DSE: variants seen among roughly 807,000 people sequenced by gnomAD.
DSE encodes the protein dermatan-sulfate epimerase.
DSE carries 36 observed loss-of-function variants against 84.4 expected under a neutral mutation model. That is an observed-to-expected ratio of 0.43 (90% confidence interval 0.33 to 0.56). The LOEUF (loss-of-function observed/expected upper bound fraction) is 0.56, where lower values mean the gene tolerates loss of function less well. DSE is among the 20% of genes least tolerant of loss of function. The pLI is 0.06. For synonymous variants in DSE, 410 were observed against 430.1 expected, an observed-to-expected ratio of 0.95 and a Z score of 0.58; for missense variants, 862 against 1,169.6, an observed-to-expected ratio of 0.74 and a Z score of 3.84.
chr6:116,324,316 C>T (rs1267633493), intron 2 of DSE, among the ~76,000 whole-genome samples: 2 of 152,280 alleles, frequency 1.3e-5, no homozygotes, highest in South Asian at 2.1e-4. Context: ...CAGGCAAGAT[C>T]CAGGAAAGCA....
intron 2 of DSE, among the ~76,000 whole-genome samples, chr6:116,426,078 A>G (rs508521): frequency 0.71 from 108,593 of 152,084 alleles, 39,346 homozygotes; most frequent in African/African-American, 0.78. Flanking sequence ...AGATTGAGAG[A>G]TCATGGATTA....
intron 2 of DSE, among the ~76,000 whole-genome samples, chr6:116,413,271 C>T (rs572788459): frequency 1.1e-4 from 16 of 152,180 alleles, no homozygotes; most frequent in South Asian, 2.1e-4. Context: ...TATTTCATTC[C>T]GTTAAAAATA....
At chr6:116,313,930 A>G (rs1436038137) in intron 2 of DSE, among the ~76,000 whole-genome samples, 12 of 152,346 alleles carry the variant, frequency 7.9e-5, no homozygotes, top group Non-Finnish European at 1.3e-4. Flanking sequence ...AAGAAAATTC[A>G]TAGAGAAATG....
chr6:116,320,649 C>T (rs1027848019), intron 2 of DSE, among the ~76,000 whole-genome samples: 1 of 152,118 alleles, frequency 6.6e-6, no homozygotes, highest in Admixed American at 6.5e-5. Context: ...AAGGTACCAG[C>T]AGCATTGGTT....
In DSE at chr6:116,433,565, G is replaced by A. The variant is rs116330739; in HGVS notation, c.1118+15G>A. 2.4e-3 allele frequency: 3,737 copies of A among 1,586,296 alleles called. 78 individuals carry two copies. In the African/African-American group the frequency reaches 0.045, roughly 19 times the overall value. On this transcript the variant is annotated intron_variant, in intron 5 of 5. Coordinates refer to ENST00000644252, the MANE Select transcript of DSE (RefSeq NM_013352.4). Reference sequence around the variant, plus strand: ...GAATTTCTCTGGTATGACACATTGGGCTAGCTTTAAAGAGAAATGGTACCC... The same window carrying A: ...GAATTTCTCTGGTATGACACATTGGACTAGCTTTAAAGAGAAATGGTACCC...
At chr6:116,422,112 G>T (rs1783131205) in intron 2 of DSE, among the ~76,000 whole-genome samples, 1 of 152,092 alleles carries the variant, frequency 6.6e-6, no homozygotes, top group African/African-American at 2.4e-5. Context: ...TGTCTTATCG[G>T]TGCATGGTTT....
At chr6:116,372,307 A>C (rs988744824) in intron 1 of DSE, among the ~76,000 whole-genome samples, 1 of 152,124 alleles carries the variant, frequency 6.6e-6, no homozygotes, top group Non-Finnish European at 1.5e-5. Flanking sequence ...TCTCTACTAA[A>C]AATACAAAAA....
chr6:116,342,868 A>G (rs1270644777), intron 2 of DSE, among the ~76,000 whole-genome samples: 1 of 152,130 alleles, frequency 6.6e-6, no homozygotes, highest in Non-Finnish European at 1.5e-5. Context: ...TGGGAAGCGC[A>G]AGGGGTCAGG....
chr6:116,415,400 G>C (rs1281358372), intron 2 of DSE, among the ~76,000 whole-genome samples: 1 of 152,030 alleles, frequency 6.6e-6, no homozygotes, highest in Non-Finnish European at 1.5e-5. Flanking sequence ...TTGAAATTAC[G>C]GGATGATGTA....
Position 116,299,020 on chromosome 6 carries a change from T to C in DSE, c.-54+40053T>C, listed in dbSNP as rs557634149. Reference sequence around the variant, plus strand: ...CCTTGTTTCTAGCTATTTGTGATTTTACTTAACTCTCTTAGTTTAGAAACA... The same window carrying C: ...CCTTGTTTCTAGCTATTTGTGATTTCACTTAACTCTCTTAGTTTAGAAACA... On this transcript the variant is annotated intron_variant, in intron 2 of 3. Coordinates refer to the DSE transcript ENST00000430252. Among the ~76,000 whole-genome samples the C allele has an allele frequency of 1.6e-4, 25 of 152,374 alleles. No individual in the cohort carries two copies. In the South Asian group the frequency reaches 5.0e-3, roughly 30 times the overall value.
intron 1 of DSE, among the ~76,000 whole-genome samples, chr6:116,393,663 G>A (rs985341752): frequency 2.0e-5 from 3 of 152,220 alleles, no homozygotes; most frequent in Admixed American, 6.5e-5. Context: ...CAGCAGAGCT[G>A]AGATTTATGC....
intron 2 of DSE, among the ~76,000 whole-genome samples, chr6:116,283,763 C>T (rs982686927): frequency 6.6e-6 from 1 of 152,068 alleles, no homozygotes; most frequent in South Asian, 2.1e-4. Flanking sequence ...AGGCTGGTCT[C>T]GAATTCCCGA....
intron 2 of DSE, among the ~76,000 whole-genome samples, chr6:116,275,914 A>G (rs1309335061): frequency 6.6e-6 from 1 of 152,158 alleles, no homozygotes; most frequent in African/African-American, 2.4e-5. Flanking sequence ...GAAAAACATG[A>G]AAATATAATC....
chr6:116,369,606 T>C (rs1395026952), upstream of DSE, among the ~76,000 whole-genome samples: 3 of 152,232 alleles, frequency 2.0e-5, no homozygotes, highest in Non-Finnish European at 4.4e-5. Flanking sequence ...AACCAAAGAT[T>C]AGTTCCAGTT....
chr6:116,268,209 A>G (rs1437822166), intron 2 of DSE, among the ~76,000 whole-genome samples: 1 of 152,170 alleles, frequency 6.6e-6, no homozygotes, highest in Non-Finnish European at 1.5e-5. Flanking sequence ...TAGTTTTTCT[A>G]TGTAGATATG....
At chr6:116,303,973 A>C (rs1031740659) in intron 2 of DSE, among the ~76,000 whole-genome samples, 2 of 151,996 alleles carry the variant, frequency 1.3e-5, no homozygotes, top group Non-Finnish European at 2.9e-5. Context: ...GTCTGTACTA[A>C]AAATACAAAA....
rs777828588 is a variant in DSE at position 116,436,427 on chromosome 6, C to T, written c.1959C>T (p.Leu653=). The T allele has an allele frequency of 5.0e-6, 8 of 1,614,152 alleles. No individual in the cohort carries two copies. Among genetic ancestry groups the T allele is most frequent in the South Asian group, 1.1e-5 (1 of 91,078 alleles). The change falls in exon 6 of 6, where the codon CTC becomes CTT. Residue 653 remains leucine, a synonymous_variant. Coordinates refer to ENST00000644252, the MANE Select transcript of DSE (RefSeq NM_013352.4). ...GTNYVNVTMH[L]RSPITRAAYL... ...ACTATGTGAATGTCACCATGCACCT[C>T]CGAAGTCCCATCACCAGGGCAGCTT...
At chr6:116,413,762 C>A (rs1376853350) in intron 2 of DSE, among the ~76,000 whole-genome samples, 1 of 152,190 alleles carries the variant, frequency 6.6e-6, no homozygotes. Flanking sequence ...ATATATTAAC[C>A]GTACTCTAAG....
In DSE at chr6:116,437,239, A is replaced by G; in HGVS notation, c.2771A>G (p.Gln924Arg). The G allele has an allele frequency of 1.9e-6, 3 of 1,614,100 alleles. No individual in the cohort carries two copies. Among genetic ancestry groups the G allele is most frequent in the South Asian group, 1.1e-5 (1 of 91,082 alleles). The part of the protein sequence containing the change: ...VMLAMQLTYF[Q>R]RAQSLHGQRC... ...TTGGCAATGCAACTGACTTATTTCC[A>G]GAGGGCCCAGAGCCTACATGGCCAA... Residue 924 changes from glutamine (Q) to arginine (R), a missense_variant, in exon 6 of 6, where the codon CAG (glutamine) becomes CGG (arginine). Transcript: ENST00000644252.
Sources: allele counts gnomAD v4.1 joint callset (sites outside exome capture counted in the v4.1 genomes callset), GRCh38; gene constraint gnomAD v4.1.1; transcripts MANE v1.5; gene names NCBI Gene and HGNC (gene_info 2026-07-23, HGNC 2026-07-21).